Variants in CTDSPL observed in about 807,000 individuals in gnomAD.
CTDSPL encodes CTD small phosphatase-like protein.
In CTDSPL, 8 loss-of-function variants were observed where a neutral mutation model predicts 30.5. That is an observed-to-expected ratio of 0.26 (90% CI 0.15 to 0.47). The LOEUF (loss-of-function observed/expected upper bound fraction) is 0.47. Ranked by LOEUF, CTDSPL falls within the 20% of genes least tolerant of loss-of-function variation. The probability of loss-of-function intolerance (pLI) is 0.99; values close to 1 mark genes in which losing one functional copy is unlikely to be tolerated. For missense variants in CTDSPL, 248 were observed against 366.1 expected (o/e 0.68, Z 2.63); for synonymous variants, 110 against 137.9 (o/e 0.80, Z 1.42).
chr3:37,970,158 T>A (rs1575323415), intron 5 of CTDSPL, among the ~76,000 whole-genome samples: 1 of 152,132 alleles, frequency 6.6e-6, no homozygotes, highest in African/African-American at 2.4e-5. Context: ...AGGCCTCGGG[T>A]CTCACCCTCT....
Position 37,975,814 on chromosome 3 carries a change from A to G in CTDSPL, c.625A>G (p.Ser209Gly). The change falls in exon 7 of 8, where the codon AGT becomes GGT. Residue 209 changes from serine to glycine, a missense_variant. This residue lies in a region of CTDSPL where 84 missense variants were observed against 139.4 expected (regional missense o/e 0.60). Transcript: ENST00000273179. The surrounding 1 kb of genome is among the most constrained non-coding windows in gnomAD (Gnocchi z 4.9). Reference protein sequence around the residue: ...FHRGNYVKDLSRLGRELSKVI... With the variant: ...FHRGNYVKDLGRLGRELSKVI... ...TCGTGGGAACTACGTGAAGGACCTGAGTCGCCTTGGGCGGGAGCTGAGCAA... is the reference window on the plus strand; with the variant it reads ...TCGTGGGAACTACGTGAAGGACCTGGGTCGCCTTGGGCGGGAGCTGAGCAA... The G allele has an allele frequency of 6.2e-7, 1 of 1,614,130 alleles. No homozygotes were observed. Among genetic ancestry groups the G allele is most frequent in the African/African-American group, 1.3e-5 (1 of 75,022 alleles).
chr3:37,959,916 G>A (rs1322887105), intron 3 of CTDSPL, among the ~76,000 whole-genome samples: 2 of 152,178 alleles, frequency 1.3e-5, no homozygotes, highest in Non-Finnish European at 1.5e-5. Context: ...ATAAAGAATA[G>A]TATCAGGCCA....
intron 5 of CTDSPL, among the ~76,000 whole-genome samples, chr3:37,971,170 C>T (rs1481369984): frequency 6.6e-6 from 1 of 152,248 alleles, no homozygotes; most frequent in Non-Finnish European, 1.5e-5. Context: ...TGGTCAGCTT[C>T]TCTTTTTCCC....
chr3:37,873,401 A>T (rs1444628455), intron 1 of CTDSPL, among the ~76,000 whole-genome samples: 1 of 152,164 alleles, frequency 6.6e-6, no homozygotes, highest in African/African-American at 2.4e-5. Context: ...GTTTTCTCCC[A>T]TAGCCAGCTT....
At chr3:37,919,674 C>G (rs1007254048) in intron 1 of CTDSPL, among the ~76,000 whole-genome samples, 2 of 152,188 alleles carry the variant, frequency 1.3e-5, no homozygotes, top group Non-Finnish European at 2.9e-5. Flanking sequence ...AAGAAGCCTA[C>G]AGCGGAGGAA....
intron 2 of CTDSPL, among the ~76,000 whole-genome samples, chr3:37,947,450 C>CTA (rs747316350): frequency 3.9e-5 from 6 of 152,070 alleles, no homozygotes; most frequent in Non-Finnish European, 8.8e-5. Flanking sequence ...ATCCCAGCTA[C>CTA]TAGGGAGGCT....
At chr3:37,939,077 G>A (rs1437719178) in intron 1 of CTDSPL, among the ~76,000 whole-genome samples, 2 of 150,112 alleles carry the variant, frequency 1.3e-5, no homozygotes, top group African/African-American at 4.9e-5. Context: ...AAAACAAAAT[G>A]GATCTGCCTA....
chr3:37,897,109 G>A (rs920533613), intron 1 of CTDSPL, among the ~76,000 whole-genome samples: 1 of 152,154 alleles, frequency 6.6e-6, no homozygotes, highest in African/African-American at 2.4e-5. Flanking sequence ...TGCTCTGTTA[G>A]CCAACTCTTC....
intron 1 of CTDSPL, among the ~76,000 whole-genome samples, chr3:37,885,268 T>G (rs73056969): frequency 0.056 from 8,503 of 152,110 alleles, 286 homozygotes; most frequent in South Asian, 0.095. Context: ...AGTTTGACAT[T>G]TTATAGGAAT....
chr3:37,981,646 T>C lies in CTDSPL; in HGVS notation c.*779T>C. ...ATTATTTCTGATGGTGACAAGTTTG[T>C]CTTGAGGTCACATTTTCTCCTTGAA... On this transcript the variant is annotated 3_prime_UTR_variant, in exon 8 of 8. Transcript: ENST00000273179. The C allele has an allele frequency of 3.0e-6, 1 of 328,726 alleles. No homozygotes were observed. The highest frequency in any genetic ancestry group is 6.1e-6 in the Non-Finnish European group (1 of 165,084). 20.4% of individuals were successfully genotyped at this position (328,726 alleles called of 1,614,324 possible).
At chr3:37,948,315 G>A (rs1278904380) in intron 2 of CTDSPL, among the ~76,000 whole-genome samples, 1 of 151,930 alleles carries the variant, frequency 6.6e-6, no homozygotes, top group Non-Finnish European at 1.5e-5. Flanking sequence ...ATATGTATAA[G>A]GAATAAGGAT....
Position 37,980,953 on chromosome 3 carries a change from A to AGGACAGGC in CTDSPL, c.*86_*87insGGACAGGC. On this transcript the variant is annotated 3_prime_UTR_variant, in exon 8 of 8. Transcript: ENST00000273179. ...CCTGTCCTCAGCTCCCTGGGAGCTG[A>AGGACAGGC]AAGTGAGGATACTCCGTGCTCCAGG... 6.0e-6 allele frequency: 9 copies of AGGACAGGC among 1,499,422 alleles called. No individual in the cohort carries two copies. The highest frequency in any genetic ancestry group is 1.3e-5 in the South Asian group (1 of 79,294). The allele number at this position is 1,499,422 out of a possible 1,614,324, so 92.9% of individuals were successfully genotyped here.
chr3:37,972,677 T>C (rs1448275154), intron 6 of CTDSPL, among the ~76,000 whole-genome samples: 1 of 152,188 alleles, frequency 6.6e-6, no homozygotes, highest in Non-Finnish European at 1.5e-5. Context: ...AGTCTCCCCC[T>C]TCACAGGTGT....
chr3:37,870,432 A>G (rs1239893132), intron 1 of CTDSPL, among the ~76,000 whole-genome samples: 1 of 152,056 alleles, frequency 6.6e-6, no homozygotes, highest in Non-Finnish European at 1.5e-5. Flanking sequence ...TGATGTTGAC[A>G]ATGTGTGTCC....
chr3:37,951,455 C>T (rs1173895521), intron 2 of CTDSPL, among the ~76,000 whole-genome samples: 1 of 152,072 alleles, frequency 6.6e-6, no homozygotes, highest in East Asian at 1.9e-4. Flanking sequence ...GCAGGAGGAT[C>T]ACTTCAGCCC....
intron 3 of CTDSPL, 35 bp from the exon 4 acceptor site, chr3:37,964,536 C>T: frequency 6.9e-7 from 1 of 1,450,506 alleles, no homozygotes; most frequent in Non-Finnish European, 9.7e-7. Flanking sequence ...TTGTCTTTTA[C>T]ATAAATGTAA....
At chr3:37,909,269 G>T (rs777150733) in intron 1 of CTDSPL, among the ~76,000 whole-genome samples, 2 of 152,158 alleles carry the variant, frequency 1.3e-5, no homozygotes, top group African/African-American at 4.8e-5. Flanking sequence ...TCCAAGCCTT[G>T]CCGAATTCAT....
chr3:37,881,171 A>T (rs1015945878), intron 1 of CTDSPL, among the ~76,000 whole-genome samples: 3 of 152,190 alleles, frequency 2.0e-5, no homozygotes, highest in African/African-American at 7.2e-5. Flanking sequence ...GCTAGTTCTT[A>T]TAGGCCCCTT....
At chr3:37,956,652 C>T (rs1699176695) in intron 2 of CTDSPL, among the ~76,000 whole-genome samples, 1 of 152,172 alleles carries the variant, frequency 6.6e-6, no homozygotes, top group African/African-American at 2.4e-5. Context: ...CCCTGGGGAG[C>T]TCCTGGAATG....
Sources: allele counts gnomAD v4.1 joint callset (sites outside exome capture counted in the v4.1 genomes callset), GRCh38; gene constraint gnomAD v4.1.1; regional missense constraint gnomAD v4.1.1; non-coding constraint Gnocchi (gnomAD v3.1); transcripts MANE v1.5; gene names NCBI Gene and HGNC (gene_info 2026-07-23, HGNC 2026-07-21).